GFRA1: variants seen among roughly 807,000 people sequenced by gnomAD.
GFRA1 encodes the protein GDNF family receptor alpha-1.
In GFRA1, 16 loss-of-function variants were observed where a neutral mutation model predicts 51.6. The ratio of observed to expected loss-of-function variants is 0.31; its 90% confidence interval spans 0.21 to 0.47. GFRA1 has a LOEUF of 0.47. Ranked by LOEUF, GFRA1 falls within the 20% of genes least tolerant of loss-of-function variation. The pLI, the probability that GFRA1 is intolerant of heterozygous loss-of-function variation, is 1.00. For missense variants in GFRA1, 530 were observed against 594.3 expected, an observed-to-expected ratio of 0.89 and a Z score of 1.13; for synonymous variants, 270 against 241.3, an observed-to-expected ratio of 1.12 and a Z score of -1.10.
intron 5 of GFRA1, among the ~76,000 whole-genome samples, chr10:116,204,915 T>C (rs1336084794): frequency 6.6e-6 from 1 of 152,028 alleles, no homozygotes; most frequent in Non-Finnish European, 1.5e-5. Flanking sequence ...AAGAGTATAG[T>C]ATGGAAAGGA....
Position 116,101,688 on chromosome 10 carries a change from T to G in GFRA1, c.771-4924A>C, listed in dbSNP as rs557414227. On this transcript the variant is annotated intron_variant, in intron 6 of 10. Coordinates refer to ENST00000355422, the MANE Select transcript of GFRA1 (RefSeq NM_005264.8). ...AAAACAGGTAAAAACATACCAGTAA[T>G]GCCCAATTTAACCCATCCTGGATTA... Among the ~76,000 whole-genome samples the G allele has an allele frequency of 5.9e-5, 9 of 152,294 alleles. No homozygotes were observed. The South Asian group carries it at 1.9e-3, about 32-fold the overall frequency.
At chr10:116,240,652 A>G (rs943469372) in intron 4 of GFRA1, among the ~76,000 whole-genome samples, 1 of 152,178 alleles carries the variant, frequency 6.6e-6, no homozygotes, top group Non-Finnish European at 1.5e-5. Flanking sequence ...CTGCCCTCCA[A>G]CATGGCATCA....
At chr10:116,188,009 C>G (rs1446060833) in intron 5 of GFRA1, among the ~76,000 whole-genome samples, 3 of 152,162 alleles carry the variant, frequency 2.0e-5, no homozygotes, top group African/African-American at 7.2e-5. Flanking sequence ...ACATCCCAGG[C>G]CTCTCAGATC....
At chr10:116,250,506 T>C (rs998483721) in intron 4 of GFRA1, among the ~76,000 whole-genome samples, 4 of 152,170 alleles carry the variant, frequency 2.6e-5, no homozygotes, top group Admixed American at 6.5e-5. Context: ...GATAAATCAA[T>C]ACAAAACATG....
At chr10:116,139,664 G>T (rs1425883408) in intron 5 of GFRA1, among the ~76,000 whole-genome samples, 2 of 152,230 alleles carry the variant, frequency 1.3e-5, no homozygotes, top group Non-Finnish European at 2.9e-5. Context: ...CCCGGGACAT[G>T]CCAGAGGGCA....
At chr10:116,203,977 A>G (rs1185420583) in intron 5 of GFRA1, among the ~76,000 whole-genome samples, 1 of 152,208 alleles carries the variant, frequency 6.6e-6, no homozygotes, top group Admixed American at 6.5e-5. Flanking sequence ...ACTGGCTGAG[A>G]AGTCCTGAGA....
At chr10:116,204,498 G>A (rs958827901) in intron 5 of GFRA1, among the ~76,000 whole-genome samples, 2 of 152,194 alleles carry the variant, frequency 1.3e-5, no homozygotes, top group African/African-American at 4.8e-5. Flanking sequence ...GGACTCCTTG[G>A]AGAAGTGATT....
chr10:116,198,649 T>C (rs1288424898), intron 5 of GFRA1, among the ~76,000 whole-genome samples: 1 of 152,200 alleles, frequency 6.6e-6, no homozygotes, highest in Non-Finnish European at 1.5e-5. Context: ...TGTTGCCAAA[T>C]GTAAACTGGT....
At chr10:116,152,178 C>T (rs1467604821) in intron 5 of GFRA1, among the ~76,000 whole-genome samples, 5 of 152,052 alleles carry the variant, frequency 3.3e-5, no homozygotes, top group Admixed American at 6.6e-5. Context: ...AATCACGATT[C>T]GATTCATGTT....
At chr10:116,206,912 G>C (rs1490010859) in intron 5 of GFRA1, among the ~76,000 whole-genome samples, 3 of 152,056 alleles carry the variant, frequency 2.0e-5, no homozygotes, top group African/African-American at 7.2e-5. Context: ...GATTACAGGC[G>C]TGAGCCACCG....
At chr10:116,263,217 T>A (rs1969417790) in intron 4 of GFRA1, among the ~76,000 whole-genome samples, 1 of 152,186 alleles carries the variant, frequency 6.6e-6, no homozygotes, top group South Asian at 2.1e-4. Flanking sequence ...CATAGAATCA[T>A]CATTCTCTGA....
At chr10:116,163,598 C>T (rs1960054626) in intron 5 of GFRA1, among the ~76,000 whole-genome samples, 2 of 152,172 alleles carry the variant, frequency 1.3e-5, no homozygotes, top group South Asian at 4.1e-4. Flanking sequence ...GGCCACCATC[C>T]CCGCGGGCTG....
In GFRA1 at chr10:116,125,346, G is replaced by A; in HGVS notation, c.645C>T (p.Ser215=). Reference sequence around the variant, plus strand: ...GCTCTGTGCAGGCGATGTCCCGGCAGGAGCAGAAGAGCATTCCGTAGCTGT... The same window carrying A: ...GCTCTGTGCAGGCGATGTCCCGGCAAGAGCAGAAGAGCATTCCGTAGCTGT... ...AKHSYGMLFC[S]CRDIACTERR... The change falls in exon 6 of 11, where the codon TCC becomes TCT. Residue 215 remains serine (S), a synonymous_variant. Transcript: ENST00000355422. 1 of 1,614,248 alleles carries A rather than the reference G, an allele frequency of 6.2e-7. No individual in the cohort carries two copies. Among genetic ancestry groups the A allele is most frequent in the Non-Finnish European group, 8.5e-7 (1 of 1,180,032 alleles).
intron 5 of GFRA1, among the ~76,000 whole-genome samples, chr10:116,204,349 T>C (rs191710865): frequency 5.3e-5 from 8 of 152,366 alleles, no homozygotes; most frequent in African/African-American, 1.7e-4. Flanking sequence ...TATGTGCATA[T>C]GCACAGGTCA....
At chr10:116,071,610 T>G (rs553560313) in intron 9 of GFRA1, among the ~76,000 whole-genome samples, 3 of 152,298 alleles carry the variant, frequency 2.0e-5, no homozygotes, top group African/African-American at 7.2e-5. Flanking sequence ...AGTGAAGGTC[T>G]TAGATTCCTG....
At chr10:116,126,642 G>C (rs1337252051) in intron 5 of GFRA1, among the ~76,000 whole-genome samples, 1 of 152,218 alleles carries the variant, frequency 6.6e-6, no homozygotes, top group Non-Finnish European at 1.5e-5. Flanking sequence ...CTCTGGAGCG[G>C]GCAGGGAGGT....
chr10:116,124,688 G>A (rs1957780748), intron 6 of GFRA1, among the ~76,000 whole-genome samples: 1 of 152,192 alleles, frequency 6.6e-6, no homozygotes, highest in African/African-American at 2.4e-5. Flanking sequence ...TGGGAGATGA[G>A]CTAAGTGGGA....
rs376505800 is a variant in GFRA1, at chr10:116,210,607, C to T, written c.433+1024G>A. 8.5e-5 allele frequency among the ~76,000 whole-genome samples: 13 copies of T among 152,220 alleles called. No homozygotes were observed. The South Asian group carries it at 1.7e-3, about 19-fold the overall frequency. ...GACTCCAGACTCTTAAAAGACAATA[C>T]GACAGTACCCTCATTGTTATCCACA... On this transcript the variant is annotated intron_variant, in intron 5 of 10. Transcript: ENST00000355422.
chr10:116,187,530 T>C (rs1235127606), intron 5 of GFRA1, among the ~76,000 whole-genome samples: 2 of 152,174 alleles, frequency 1.3e-5, no homozygotes, highest in East Asian at 1.9e-4. Context: ...ATTAACATAA[T>C]AATCTAGGAG....
Sources: gnomAD v4.1 joint callset for allele counts (sites outside exome capture counted in the v4.1 genomes callset) on GRCh38, gnomAD v4.1.1 for gene constraint, MANE v1.5 for transcripts, NCBI Gene and HGNC (gene_info 2026-07-23, HGNC 2026-07-21) for gene names.